The following CSMD3 variants were observed in gnomAD, a reference collection of about 807,000 sequenced individuals.
The protein encoded by CSMD3 is CUB and sushi domain-containing protein 3.
A neutral mutation model predicts 435.2 loss-of-function variants in CSMD3; 177 were observed. That is an observed-to-expected ratio of 0.41 (90% CI 0.36 to 0.46). The LOEUF (loss-of-function observed/expected upper bound fraction) is 0.46, where lower values mean the gene tolerates loss of function less well. Ranked by LOEUF, CSMD3 falls within the 20% of genes least tolerant of loss-of-function variation. The pLI is 0.34. For synonymous variants in CSMD3, 1,656 were observed against 1,520.5 expected, an observed-to-expected ratio of 1.09 and a Z score of -2.07; for missense variants, 4,265 against 4,504.6, an observed-to-expected ratio of 0.95 and a Z score of 1.52.
intron 24 of CSMD3, among the ~76,000 whole-genome samples, chr8:112,564,371 T>G (rs1408916077): frequency 7.1e-6 from 1 of 141,268 alleles, no homozygotes; most frequent in East Asian, 2.4e-4. Flanking sequence ...CCCTTCTCCC[T>G]TCCCCTCCCC....
At chr8:112,673,799 C>A (rs987995837) in intron 16 of CSMD3, among the ~76,000 whole-genome samples, 2 of 152,118 alleles carry the variant, frequency 1.3e-5, no homozygotes, top group African/African-American at 4.8e-5. Context: ...TCAAAGAATT[C>A]TCTTAGATAT....
At chr8:112,530,642 A>G (rs573834212) in intron 27 of CSMD3, among the ~76,000 whole-genome samples, 45 of 152,314 alleles carry the variant, frequency 3.0e-4, no homozygotes, top group African/African-American at 1.0e-3. Flanking sequence ...AAATGCCAAG[A>G]AAGTTCTTCA....
intron 29 of CSMD3, 134 bp downstream of exon 29, chr8:112,506,557 A>C: frequency 1.2e-6 from 1 of 820,568 alleles, no homozygotes; most frequent in South Asian, 1.6e-5. Flanking sequence ...TAGAACAACT[A>C]TTAGCACTGG....
intron 10 of CSMD3, among the ~76,000 whole-genome samples, chr8:112,881,652 T>C (rs1459972951): frequency 2.0e-5 from 3 of 152,030 alleles, no homozygotes; most frequent in African/African-American, 7.2e-5. Context: ...TCCTTGGTGA[T>C]ATGAAGGCAG....
intron 13 of CSMD3, among the ~76,000 whole-genome samples, chr8:112,767,684 G>T (rs1345608579): frequency 6.6e-6 from 1 of 151,668 alleles, no homozygotes; most frequent in Non-Finnish European, 1.5e-5. Flanking sequence ...ATGTCCAAGG[G>T]TATAGTTTCC....
intron 24 of CSMD3, among the ~76,000 whole-genome samples, chr8:112,566,759 G>A (rs1829094265): frequency 6.6e-6 from 1 of 152,054 alleles, no homozygotes; most frequent in Non-Finnish European, 1.5e-5. Flanking sequence ...ATACAGTAAG[G>A]AGAAGGCAAC....
intron 5 of CSMD3, among the ~76,000 whole-genome samples, chr8:113,033,527 GC>G (rs1342688711): frequency 1.3e-5 from 2 of 150,300 alleles, no homozygotes; most frequent in Non-Finnish European, 3.0e-5. Flanking sequence ...TTTACCCAAT[GC>G]TTGTACCTGC....
intron 5 of CSMD3, among the ~76,000 whole-genome samples, chr8:113,066,961 C>A (rs574282415): frequency 6.6e-6 from 1 of 152,074 alleles, no homozygotes; most frequent in East Asian, 1.9e-4. Context: ...AAGAAAACAG[C>A]CTAATTTGGA....
chr8:113,422,983 G>A (rs1016343812), intron 1 of CSMD3, among the ~76,000 whole-genome samples: 2 of 151,462 alleles, frequency 1.3e-5, no homozygotes, highest in African/African-American at 4.9e-5. Flanking sequence ...TCTTGGGGAA[G>A]GAACCCAAGT....
chr8:112,230,439 T>C (rs1220310653), intron 69 of CSMD3, among the ~76,000 whole-genome samples: 1 of 152,212 alleles, frequency 6.6e-6, no homozygotes, highest in Non-Finnish European at 1.5e-5. Context: ...TCTTATTTTT[T>C]ACCTTATTTT....
intron 69 of CSMD3, 60 bp from the exon 70 acceptor site, chr8:112,228,951 C>A (rs2129843100): frequency 2.2e-6 from 2 of 909,332 alleles, no homozygotes; most frequent in Non-Finnish European, 3.5e-6. Context: ...AATTTCTACT[C>A]CCATGAATCA....
At chr8:112,441,009 C>A (rs1012726268) in intron 32 of CSMD3, among the ~76,000 whole-genome samples, 7 of 152,184 alleles carry the variant, frequency 4.6e-5, no homozygotes, top group African/African-American at 1.7e-4. Flanking sequence ...ATGCAGATTT[C>A]TTTAGCTGGC....
Position 112,724,747 on chromosome 8 carries a change from G to A in CSMD3, c.1973-34697C>T, listed in dbSNP as rs568482901. ...CAACCCAGAGGTTATTGCTGAAGGAGTGAATGTGAGAGACAAAAAGATGAT... is the reference window on the plus strand; with the variant it reads ...CAACCCAGAGGTTATTGCTGAAGGAATGAATGTGAGAGACAAAAAGATGAT... On this transcript the variant is annotated intron_variant, in intron 13 of 70. Transcript: ENST00000297405. Among the ~76,000 whole-genome samples the A allele has an allele frequency of 1.4e-3, 219 of 152,154 alleles. 1 individual carries two copies. Among genetic ancestry groups the A allele is most frequent in the Non-Finnish European group, 2.4e-3 (165 of 67,936 alleles).
intron 5 of CSMD3, among the ~76,000 whole-genome samples, chr8:113,023,881 T>G (rs1379608529): frequency 2.0e-5 from 3 of 152,134 alleles, no homozygotes; most frequent in Non-Finnish European, 2.9e-5. Context: ...TCAGAGTAAT[T>G]AGCATATCCA....
intron 12 of CSMD3, among the ~76,000 whole-genome samples, chr8:112,809,983 C>T (rs960347273): frequency 2.0e-5 from 3 of 152,108 alleles, no homozygotes; most frequent in African/African-American, 7.2e-5. Flanking sequence ...CGCAGATGGT[C>T]TGTATACATT....
chr8:112,273,322 T>C (rs564774195), intron 59 of CSMD3, among the ~76,000 whole-genome samples: 53 of 152,302 alleles, frequency 3.5e-4, no homozygotes, highest in Non-Finnish European at 6.6e-4. Flanking sequence ...TTTCTGTTAC[T>C]CTGAACTATT....
intron 59 of CSMD3, among the ~76,000 whole-genome samples, chr8:112,276,577 AC>A (rs1201211317): frequency 6.6e-6 from 1 of 151,760 alleles, no homozygotes; most frequent in Non-Finnish European, 1.5e-5. Flanking sequence ...CATGGGTCAG[AC>A]CCAGGGCCTT....
At chr8:112,743,898 T>C (rs2132067649) in intron 13 of CSMD3, among the ~76,000 whole-genome samples, 1 of 152,066 alleles carries the variant, frequency 6.6e-6, no homozygotes, top group African/African-American at 2.4e-5. Context: ...TAAAAACATA[T>C]GATTAAACAA....
At chr8:113,242,400 A>T (rs2093228930) in intron 3 of CSMD3, among the ~76,000 whole-genome samples, 1 of 151,994 alleles carries the variant, frequency 6.6e-6, no homozygotes, top group Non-Finnish European at 1.5e-5. Flanking sequence ...ATTCTGGACC[A>T]TGTTTGTGAC....
Sources: gnomAD v4.1 joint callset for allele counts (sites outside exome capture counted in the v4.1 genomes callset) on GRCh38, gnomAD v4.1.1 for gene constraint, MANE v1.5 for transcripts, NCBI Gene and HGNC (gene_info 2026-07-23, HGNC 2026-07-21) for gene names.